Variants in SPTLC1 observed in about 807,000 individuals in gnomAD.
SPTLC1 encodes the protein serine palmitoyltransferase 1.
Under a neutral mutation model 68.9 loss-of-function variants are expected in SPTLC1, and 55 were observed. That is an observed-to-expected ratio of 0.80 (90% confidence interval 0.64 to 1.00). The LOEUF (loss-of-function observed/expected upper bound fraction) is 1.00. Among genes scored for constraint, SPTLC1 ranks in the 50% least tolerant of loss-of-function variants. SPTLC1 has a pLI of 0.00. For synonymous variants in SPTLC1, 197 were observed against 201.6 expected, an observed-to-expected ratio of 0.98 and a Z score of 0.19; for missense variants, 449 against 573.1, an observed-to-expected ratio of 0.78 and a Z score of 2.21.
chr9:92,078,312 A>G (rs1485451848), intron 5 of SPTLC1, among the ~76,000 whole-genome samples: 2 of 152,222 alleles, frequency 1.3e-5, no homozygotes, highest in African/African-American at 4.8e-5. Flanking sequence ...TAGTTTTCTA[A>G]TACCTGCCAA....
At chr9:92,094,614 A>ACC (rs1318860461) in intron 3 of SPTLC1, among the ~76,000 whole-genome samples, 6 of 152,316 alleles carry the variant, frequency 3.9e-5, no homozygotes, top group African/African-American at 1.4e-4. Context: ...GTTAACTGTC[A>ACC]CCCATTCTCA....
chr9:92,050,128 G>GA (rs1833657955), intron 8 of SPTLC1, 61 bp from the exon 9 acceptor site: 5 of 1,091,126 alleles, frequency 4.6e-6, no homozygotes, highest in African/African-American at 1.6e-5. Context: ...ATATTATGGA[G>GA]AAAAAAATTA....
chr9:92,060,814 G>A (rs1408334348), intron 6 of SPTLC1, among the ~76,000 whole-genome samples: 1 of 151,402 alleles, frequency 6.6e-6, no homozygotes, highest in Non-Finnish European at 1.5e-5. Context: ...TCGGGAGGCT[G>A]AGGCAGGAGA....
intron 3 of SPTLC1, 193 bp downstream of exon 3, chr9:92,108,547 T>C (rs1836092225): frequency 4.4e-6 from 3 of 681,724 alleles, no homozygotes; most frequent in Non-Finnish European, 4.8e-6. Flanking sequence ...ATGCTTAAAT[T>C]GGAGATTTTA....
intron 5 of SPTLC1, among the ~76,000 whole-genome samples, chr9:92,073,416 G>A (rs904653013): frequency 2.6e-5 from 4 of 152,198 alleles, no homozygotes; most frequent in African/African-American, 9.7e-5. Context: ...TACCAGGCAG[G>A]GGCCCAAGGC....
intron 13 of SPTLC1, among the ~76,000 whole-genome samples, chr9:92,036,186 C>A (rs1486877290): frequency 1.3e-5 from 2 of 152,152 alleles, no homozygotes; most frequent in African/African-American, 2.4e-5. Flanking sequence ...CTGTTCCCTA[C>A]CCCAGATTGT....
At chr9:92,113,706 G>A (rs1197139538) in intron 1 of SPTLC1, among the ~76,000 whole-genome samples, 1 of 152,190 alleles carries the variant, frequency 6.6e-6, no homozygotes, top group African/African-American at 2.4e-5. Flanking sequence ...GCATAAGACA[G>A]AGCCACATCT....
chr9:92,055,897 T>C (rs548871707), intron 7 of SPTLC1, among the ~76,000 whole-genome samples: 1 of 152,308 alleles, frequency 6.6e-6, no homozygotes, highest in African/African-American at 2.4e-5. Flanking sequence ...GCTGCATTCA[T>C]GTGATTCAAT....
chr9:92,052,812 G>T (rs551919721), intron 8 of SPTLC1, among the ~76,000 whole-genome samples: 25 of 152,106 alleles, frequency 1.6e-4, no homozygotes, highest in African/African-American at 6.0e-4. Flanking sequence ...GATTACAGGC[G>T]TGAGCCACCG....
intron 8 of SPTLC1, chr9:92,054,118 C>T (rs1833801408): frequency 1.2e-5 from 2 of 173,036 alleles, no homozygotes; most frequent in African/African-American, 2.4e-5. Context: ...CTTGTCTCTA[C>T]TAAAAATACA....
chr9:92,080,097 A>G lies in SPTLC1; in HGVS notation c.355-9T>C. The G allele has an allele frequency of 6.2e-7, 1 of 1,607,848 alleles. No individual in the cohort carries two copies. Among genetic ancestry groups the G allele is most frequent in the Non-Finnish European group, 8.5e-7 (1 of 1,175,134 alleles). ...GATGCTAAAGCTGCTGCCTTTATTG[A>G]AGTACAAGAATTATACTTTAATAAT... On this transcript the variant is annotated splice_polypyrimidine_tract_variant and intron_variant, in intron 4 of 14. Coordinates refer to ENST00000262554, the MANE Select transcript of SPTLC1 (RefSeq NM_006415.4).
chr9:92,032,477 G>C lies in SPTLC1; in HGVS notation c.1410C>G (p.Ala470=), dbSNP rs537140001. ...CCCGGGACTCTGCCTAGAGCAGGAC[G>C]GCCTGGGCTACCTCCTTGATGGTGG... ...AASTIKEVAQ[A]VLL Residue 470 remains alanine, a synonymous_variant, in exon 15 of 15, where the codon GCC becomes GCG. Coordinates refer to ENST00000262554, the MANE Select transcript of SPTLC1 (RefSeq NM_006415.4). 3 of 1,614,066 alleles carry C rather than the reference G, an allele frequency of 1.9e-6. No homozygotes were observed. Among genetic ancestry groups the C allele is most frequent in the Admixed American group, 3.3e-5 (2 of 60,008 alleles).
chr9:92,106,302 C>T (rs1265300599), intron 3 of SPTLC1, among the ~76,000 whole-genome samples: 2 of 151,884 alleles, frequency 1.3e-5, no homozygotes, highest in South Asian at 2.1e-4. Flanking sequence ...GGTGAAACTC[C>T]GTCTCTACTG....
intron 9 of SPTLC1, among the ~76,000 whole-genome samples, chr9:92,049,373 T>G (rs979438854): frequency 6.6e-6 from 1 of 152,072 alleles, no homozygotes; most frequent in African/African-American, 2.4e-5. Flanking sequence ...CAAAACCCAC[T>G]AGGCACTGCG....
intron 12 of SPTLC1, among the ~76,000 whole-genome samples, chr9:92,044,018 G>C (rs565978852): frequency 2.0e-4 from 31 of 152,240 alleles, no homozygotes; most frequent in African/African-American, 7.5e-4. Flanking sequence ...CTAGATACCA[G>C]CACGGTTTGC....
At chr9:92,061,054 A>C in intron 6 of SPTLC1, among the ~76,000 whole-genome samples, 1 of 152,224 alleles carries the variant, frequency 6.6e-6, no homozygotes, top group East Asian at 1.9e-4. Flanking sequence ...GAATTCCAGA[A>C]GAAGAGAAAG....
intron 7 of SPTLC1, among the ~76,000 whole-genome samples, 164 bp downstream of exon 7, chr9:92,059,015 T>G (rs1399666393): frequency 6.6e-6 from 1 of 152,130 alleles, no homozygotes; most frequent in African/African-American, 2.4e-5. Flanking sequence ...GCAATTACAA[T>G]CAGACTTGGC....
chr9:92,083,131 T>C (rs1834956987), intron 3 of SPTLC1, among the ~76,000 whole-genome samples: 1 of 151,756 alleles, frequency 6.6e-6, no homozygotes, highest in Non-Finnish European at 1.5e-5. Flanking sequence ...TTGTAGATTC[T>C]GGATATTAGC....
At chr9:92,055,637 G>T (rs1833862776) in intron 7 of SPTLC1, 143 bp from the exon 8 acceptor site, 1 of 853,990 alleles carries the variant, frequency 1.2e-6, no homozygotes, top group Non-Finnish European at 1.9e-6. Flanking sequence ...GTTTGTGATG[G>T]GTTATTTTGA....
Sources: gnomAD v4.1 joint callset for allele counts (sites outside exome capture counted in the v4.1 genomes callset) on GRCh38, gnomAD v4.1.1 for gene constraint, MANE v1.5 for transcripts, NCBI Gene and HGNC (gene_info 2026-07-23, HGNC 2026-07-21) for gene names.